PER3: variants seen among roughly 807,000 people sequenced by gnomAD.
PER3 encodes the protein period circadian regulator 3.
In PER3, 107 loss-of-function variants were observed where a neutral mutation model predicts 127.2. The observed-to-expected ratio is 0.84, with a 90% CI of 0.72 to 0.99. The LOEUF is 0.99. PER3 is among the 50% of genes least tolerant of loss of function. PER3 has a pLI of 0.00. For synonymous variants in PER3, 618 were observed against 585.8 expected (o/e 1.05, Z -0.79); for missense variants, 1,560 against 1,525.8 (o/e 1.02, Z -0.37).
rs2097266025 is a variant in PER3, at chr1:7,819,480, G to A, written c.1658+60G>A. 2.7e-6 allele frequency: 4 copies of A among 1,481,996 alleles called. No homozygotes were observed. The East Asian group carries it at 9.1e-5, about 34-fold the overall frequency. 91.8% of individuals were successfully genotyped at this position (1,481,996 alleles called of 1,614,324 possible). A position where few individuals can be genotyped will look rare whatever the true frequency, so the allele number is the denominator to read the frequency against. On this transcript the variant is annotated intron_variant, in intron 14 of 21. Transcript: ENST00000377532. ...TGTTCCGGAAGCATACACTGCCACT[G>A]TAGAGACTTCATAGAATTTTTAATA...
At chr1:7,816,305 AAAAG>A (rs1318842485) in intron 13 of PER3, among the ~76,000 whole-genome samples, 3 of 152,166 alleles carry the variant, frequency 2.0e-5, no homozygotes, top group African/African-American at 7.2e-5. Flanking sequence ...TGAACAAAAG[AAAAG>A]AAAGGAAGGA....
At chr1:7,829,704 T>A in intron 18 of PER3, 130 bp from the exon 19 acceptor site, 1 of 701,680 alleles carries the variant, frequency 1.4e-6, no homozygotes, top group Non-Finnish European at 2.4e-6. Flanking sequence ...AATTTTCCAT[T>A]TACTATTTTT....
rs1409798633 is a variant in PER3 at position 7,828,173 on chromosome 1, G to A, written c.2886+358G>A. On this transcript the variant is annotated intron_variant, in intron 18 of 21. Coordinates refer to ENST00000377532, the MANE Select transcript of PER3 (RefSeq NM_001377275.1). ...AACACGTATTTGTTTACTTACAACCGGGGTTATGGTCAGGTGAGATAGGAA... is the reference window on the plus strand; with the variant it reads ...AACACGTATTTGTTTACTTACAACCAGGGTTATGGTCAGGTGAGATAGGAA... Among the ~76,000 whole-genome samples the A allele has an allele frequency of 7.2e-5, 11 of 152,276 alleles. No individual in the cohort carries two copies. The South Asian group carries it at 1.7e-3, about 23-fold the overall frequency.
At chr1:7,795,788 CAAAA>C (rs2097142794) in intron 6 of PER3, among the ~76,000 whole-genome samples, 1 of 152,352 alleles carries the variant, frequency 6.6e-6, no homozygotes, top group South Asian at 2.1e-4. Flanking sequence ...AAACATAACA[CAAAA>C]GAAGAGAAGA....
At chr1:7,834,091 TG>T (rs2097346133) in intron 19 of PER3, among the ~76,000 whole-genome samples, 1 of 152,110 alleles carries the variant, frequency 6.6e-6, no homozygotes, top group South Asian at 2.1e-4. Flanking sequence ...CCTAATTTTT[TG>T]TATTTTTAGT....
In PER3 at chr1:7,830,577, CAGTT is replaced by C. The variant is rs1490907823; in HGVS notation, c.3214+419_3214+422del. On this transcript the variant is annotated intron_variant, in intron 19 of 21. Transcript: ENST00000377532. ...GCTGTCTTTCGTATTCGGATTCTTT[CAGTT>C]AGCATGATGCTGTTGAGATGCACGC... 2.0e-5 allele frequency among the ~76,000 whole-genome samples: 3 copies of C among 152,310 alleles called. No individual in the cohort carries two copies. The East Asian group carries it at 5.8e-4, about 29-fold the overall frequency.
chr1:7,788,907 G>A (rs1183656243), intron 5 of PER3, among the ~76,000 whole-genome samples: 19 of 141,782 alleles, frequency 1.3e-4, no homozygotes, highest in Admixed American at 2.1e-4. Context: ...TGTTTCTGGG[G>A]AAAAAAAAAA....
chr1:7,805,660 T>C (rs2150754318), intron 10 of PER3, among the ~76,000 whole-genome samples: 1 of 152,174 alleles, frequency 6.6e-6, no homozygotes, highest in South Asian at 2.1e-4. Context: ...CGGAAACCTA[T>C]TGGGAAATGA....
At position 7,798,528 on chromosome 1, in the gene PER3, A is replaced by G. The variant is rs1319452647; in HGVS notation, c.648A>G (p.Gly216=). Reference sequence around the variant, plus strand: ...CTAATATCTTTAATCTCCTCAGTGGAGGTGAAGACAGAAAGCAAGAGAAGT... The same window carrying G: ...CTAATATCTTTAATCTCCTCAGTGGGGGTGAAGACAGAAAGCAAGAGAAGT... ...PVKPFFCRIR[G]GEDRKQEKCH... is the part of the protein sequence containing the mutation. The change falls in exon 7 of 22, where the codon GGA becomes GGG. Residue 216 remains glycine (G), a synonymous_variant. Coordinates refer to ENST00000377532, the MANE Select transcript of PER3 (RefSeq NM_001377275.1). 14 of 1,613,232 alleles carry G rather than the reference A, an allele frequency of 8.7e-6. No individual in the cohort carries two copies. Among genetic ancestry groups the G allele is most frequent in the Non-Finnish European group, 1.2e-5 (14 of 1,179,326 alleles).
Position 7,827,801 on chromosome 1 carries a change from C to T in PER3, c.2872C>T (p.Pro958Ser). ...SPDQMRRNTCPQTEYQCVTGN... is the reference protein window; with the variant it reads ...SPDQMRRNTCSQTEYQCVTGN... ...AGATCAGATGAGAAGGAACACGTGC[C>T]CACAAACTGAGTATGTAAGTGATGC... The change falls in exon 18 of 22, where the codon CCA becomes TCA. Residue 958 changes from proline to serine, a missense_variant. Transcript: ENST00000377532. 1 of 1,610,568 alleles carries T rather than the reference C, an allele frequency of 6.2e-7. No homozygotes were observed. The highest frequency in any genetic ancestry group is 8.5e-7 in the Non-Finnish European group (1 of 1,177,658).
In PER3 at chr1:7,803,151, A is replaced by G. The variant is rs1385566685; in HGVS notation, c.977A>G (p.Lys326Arg). ...TCTCTGATGGTTGCCATACACCAAAAAGGTCAGGACCTACTCCTTTATAGG... is the reference window on the plus strand; with the variant it reads ...TCTCTGATGGTTGCCATACACCAAAGAGGTCAGGACCTACTCCTTTATAGG... ...DRSLMVAIHQ[K>R]VLKYAGHPPF... The change falls in exon 9 of 22, where the codon AAA (lysine) becomes AGA (arginine). Residue 326 changes from lysine (K) to arginine (R), a missense_variant and splice_region_variant. Coordinates refer to ENST00000377532, the MANE Select transcript of PER3 (RefSeq NM_001377275.1). The G allele has an allele frequency of 6.4e-7, 1 of 1,568,506 alleles. No individual in the cohort carries two copies.
rs1240344866 is a variant in PER3, at chr1:7,845,054, CTG to C, written c.*2300_*2301del. On this transcript the variant is annotated 3_prime_UTR_variant, in exon 22 of 22. Transcript: ENST00000377532. Reference sequence around the variant, plus strand: ...ATTCACAGTGTAAATTTAATCCAAACTGAAATTTTGTTTCAACTGAATTTGTA... The same window carrying C: ...ATTCACAGTGTAAATTTAATCCAAACAAATTTTGTTTCAACTGAATTTGTA... The C allele has an allele frequency of 2.0e-5, 3 of 152,314 alleles. No individual in the cohort carries two copies. Among genetic ancestry groups the C allele is most frequent in the South Asian group, 4.1e-4 (2 of 4,830 alleles). The allele number at this position is 152,314 out of a possible 1,614,324, so 9.4% of individuals were successfully genotyped here. A position where few individuals can be genotyped will look rare whatever the true frequency, so the allele number is the denominator to read the frequency against.
At chr1:7,814,856 A>T (rs1266645428) in intron 13 of PER3, among the ~76,000 whole-genome samples, 1 of 152,182 alleles carries the variant, frequency 6.6e-6, no homozygotes, top group Non-Finnish European at 1.5e-5. Flanking sequence ...GTATTTTATT[A>T]TTTGGAGGTA....
intron 20 of PER3, among the ~76,000 whole-genome samples, chr1:7,836,369 G>T (rs1558483256): frequency 6.6e-6 from 1 of 152,134 alleles, no homozygotes; most frequent in African/African-American, 2.4e-5. Flanking sequence ...AGTAGAGATG[G>T]AATTTCCTCA....
intron 19 of PER3, among the ~76,000 whole-genome samples, chr1:7,834,062 A>G (rs538469459): frequency 7.4e-4 from 113 of 152,268 alleles, no homozygotes; most frequent in Non-Finnish European, 1.3e-3. Flanking sequence ...AGCTGGTACT[A>G]CAGGCGTGCA....
In PER3 at chr1:7,798,613, GA is replaced by G; in HGVS notation, c.735del (p.Glu245AspfsTer26). On this transcript the variant is annotated frameshift_variant, in exon 7 of 22. Coordinates refer to ENST00000377532, the MANE Select transcript of PER3 (RefSeq NM_001377275.1). LOFTEE classifies it high-confidence loss of function. Reference sequence around the variant, plus strand: ...TCATGTACATCACCCTGCCCAGCCAGAATTGGAATCGGAACCTTGCTGTCTC... The same window carrying G: ...TCATGTACATCACCCTGCCCAGCCAGATTGGAATCGGAACCTTGCTGTCTC... Reference protein sequence around the residue: ...LIHVHHPAQPELESEPCCLTV... With the variant: ...LIHVHHPAQPXLESEPCCLTV... The G allele has an allele frequency of 1.9e-6, 3 of 1,613,808 alleles. No individual in the cohort carries two copies. Among genetic ancestry groups the G allele is most frequent in the Non-Finnish European group, 2.5e-6 (3 of 1,179,696 alleles).
intron 14 of PER3, 108 bp from the exon 15 acceptor site, chr1:7,820,007 G>GAAAGTAC: frequency 9.0e-7 from 1 of 1,105,044 alleles, no homozygotes; most frequent in Non-Finnish European, 1.3e-6. Context: ...TATCAAAGAA[G>GAAAGTAC]AAAGTACAAA....
At chr1:7,829,441 C>G (rs542228527) in intron 18 of PER3, among the ~76,000 whole-genome samples, 4 of 152,300 alleles carry the variant, frequency 2.6e-5, no homozygotes, top group South Asian at 2.1e-4. Context: ...TTTATGACTT[C>G]TCTTTGGCAT....
At chr1:7,800,964 G>T in intron 7 of PER3, 149 bp from the exon 8 acceptor site, 1 of 618,004 alleles carries the variant, frequency 1.6e-6, no homozygotes, top group Non-Finnish European at 2.9e-6. Context: ...TTTAACTGTA[G>T]CTTTGGCTGC....
Sources: allele counts gnomAD v4.1 joint callset (sites outside exome capture counted in the v4.1 genomes callset), GRCh38; gene constraint gnomAD v4.1.1; transcripts MANE v1.5; gene names NCBI Gene and HGNC (gene_info 2026-07-23, HGNC 2026-07-21).